CROCC: variants seen among roughly 807,000 people sequenced by gnomAD.
The protein encoded by CROCC is rootletin.
CROCC carries 180 observed loss-of-function variants against 245.2 expected under a neutral mutation model. The ratio of observed to expected loss-of-function variants is 0.73; its 90% CI spans 0.65 to 0.83. The LOEUF is 0.83. CROCC is among the 40% of genes least tolerant of loss of function. CROCC has a pLI of 0.00. For missense variants in CROCC, 2,688 were observed against 2,779.4 expected (o/e 0.97, Z 0.74); for synonymous variants, 1,205 against 1,241.6 (o/e 0.97, Z 0.62).
intron 9 of CROCC, among the ~76,000 whole-genome samples, 158 bp from the exon 10 acceptor site, chr1:16,937,483 T>C (rs1483086932): frequency 3.3e-5 from 5 of 152,226 alleles, no homozygotes; most frequent in Admixed American, 2.0e-4. Context: ...AAATGTGAGA[T>C]CTGGAGAGGA....
In CROCC at chr1:16,966,019, C is replaced by T; in HGVS notation, c.4596C>T (p.Thr1532=). The T allele has an allele frequency of 1.2e-6, 2 of 1,613,756 alleles. No homozygotes were observed. Among genetic ancestry groups the T allele is most frequent in the Non-Finnish European group, 1.7e-6 (2 of 1,179,758 alleles). ...TACAGGACGAACTTCGGACCCAGAC[C>T]AGTGCCCTGAATCGCCAGCTGGCCG... The part of the protein sequence containing the change: ...QRERDELRTQ[T]SALNRQLAEM... Residue 1532 remains threonine (T), a synonymous_variant, in exon 29 of 37, where the codon ACC becomes ACT. Coordinates refer to ENST00000375541, the MANE Select transcript of CROCC (RefSeq NM_014675.5). The surrounding 1 kb of genome is among the most constrained non-coding windows in gnomAD (Gnocchi z 4.8).
intron 1 of CROCC, among the ~76,000 whole-genome samples, chr1:16,914,508 C>T (rs1350726347): frequency 1.3e-5 from 2 of 152,294 alleles, no homozygotes; most frequent in African/African-American, 4.8e-5. Flanking sequence ...CGTGCGGGCC[C>T]CGCCCTGCAC....
Position 16,970,460 on chromosome 1 carries a change from T to C in CROCC, c.5652+7T>C. 5 of 1,567,738 alleles carry C rather than the reference T, an allele frequency of 3.2e-6. No homozygotes were observed. Among genetic ancestry groups the C allele is most frequent in the Non-Finnish European group, 3.5e-6 (4 of 1,152,998 alleles). ...CAGGAGGACGCTGGACAAGGTAGGC[T>C]GCTCCCCAGGCTCTCCCCTCACTTC... On this transcript the variant is annotated splice_region_variant and intron_variant, in intron 34 of 36. Transcript: ENST00000375541.
At position 16,945,449 on chromosome 1, in the gene CROCC, C is replaced by G. The variant is rs1383132149; in HGVS notation, c.1992-13C>G. ...AAGTGACATGGGCCACCCACCCACC[C>G]TTTGTCCCACAGCCATAGACAACTA... On this transcript the variant is annotated splice_polypyrimidine_tract_variant and intron_variant, in intron 14 of 36. Transcript: ENST00000375541. 1 of 1,611,404 alleles carries G rather than the reference C, an allele frequency of 6.2e-7. No homozygotes were observed. Among genetic ancestry groups the G allele is most frequent in the Admixed American group, 1.7e-5 (1 of 59,930 alleles).
chr1:16,914,901 C>T (rs1463989464), intron 1 of CROCC, among the ~76,000 whole-genome samples: 3 of 152,292 alleles, frequency 2.0e-5, no homozygotes, highest in African/African-American at 7.2e-5. Context: ...TGCCATCTGT[C>T]TGTTTACGCC....
intron 30 of CROCC, among the ~76,000 whole-genome samples, chr1:16,967,253 G>A (rs1346678353): frequency 2.0e-5 from 3 of 152,154 alleles, no homozygotes; most frequent in Admixed American, 6.5e-5. Flanking sequence ...GTTTTTATGT[G>A]TGTTTGGGGG....
chr1:16,915,245 C>A (rs1213971663), intron 1 of CROCC, among the ~76,000 whole-genome samples: 1 of 152,288 alleles, frequency 6.6e-6, no homozygotes, highest in African/African-American at 2.4e-5. Context: ...CCCAACATGA[C>A]CCCAGCCAGA....
At position 16,944,054 on chromosome 1, in the gene CROCC, G is replaced by C. The variant is rs565714998; in HGVS notation, c.1809-46G>C. On this transcript the variant is annotated intron_variant, in intron 13 of 36. Transcript: ENST00000375541. ...AGCAGCCAGCCACCTTCCCTGCAGA[G>C]AGCAGCCCCAGCATCCCCTCTGCTC... is the stretch of plus-strand genomic sequence containing the variant. The C allele has an allele frequency of 1.9e-4, 285 of 1,488,880 alleles. 3 individuals are homozygous for C. In the East Asian group the frequency reaches 5.7e-3, roughly 30 times the overall value. The allele number at this position is 1,488,880 out of a possible 1,614,324, so 92.2% of individuals were successfully genotyped here.
At chr1:16,971,794 C>A in intron 36 of CROCC, 147 bp downstream of exon 36, 1 of 788,202 alleles carries the variant, frequency 1.3e-6, no homozygotes, top group Non-Finnish European at 1.9e-6. Flanking sequence ...TGGTGTCAGC[C>A]AAGACCAGAC....
chr1:16,939,848 G>A (rs1434505675), intron 12 of CROCC, 46 bp from the exon 13 acceptor site: 1 of 1,597,484 alleles, frequency 6.3e-7, no homozygotes, highest in Admixed American at 1.7e-5. Context: ...GGTGGCTCTG[G>A]AGGCCTCTCA....
rs1392643010 is a variant in CROCC, at chr1:16,953,385, G to A, written c.3090G>A (p.Arg1030=). ...LQREQEELLA[R]LEAEKEELSE... is the part of the protein sequence containing the mutation. ...GTGAGCAGGAGGAGCTGCTGGCCCG[G>A]CTGGAGGCTGAGAAGGAAGAGCTGA... Residue 1030 remains arginine, a synonymous_variant, in exon 21 of 37, where the codon CGG becomes CGA. Coordinates refer to ENST00000375541, the MANE Select transcript of CROCC (RefSeq NM_014675.5). The A allele has an allele frequency of 2.5e-6, 4 of 1,610,428 alleles. No homozygotes were observed. The highest frequency in any genetic ancestry group is 3.4e-6 in the Non-Finnish European group (4 of 1,179,710).
chr1:16,921,302 A>G (rs1328314960), upstream of CROCC, among the ~76,000 whole-genome samples: 9 of 152,414 alleles, frequency 5.9e-5, no homozygotes, highest in Admixed American at 3.3e-4. Context: ...GAAGCTTCCC[A>G]ATAAGTGCCT....
chr1:16,948,350 G>T lies in CROCC; in HGVS notation c.2534G>T (p.Gly845Val). The T allele has an allele frequency of 6.3e-7, 1 of 1,576,698 alleles. No homozygotes were observed. ...GGCCAGCTCTCCCGGCAGCTGAGCG[G>T]GCGGGAGCAGGAGCTGGAGCAGGCC... ...QLAQLSRQLS[G>V]REQELEQARR... Residue 845 changes from glycine to valine, a missense_variant, in exon 18 of 37, where the codon GGG becomes GTG. By Grantham distance (109) the Gly-to-Val change is moderately radical. Transcript: ENST00000375541.
chr1:16,947,061 T>A lies in CROCC; in HGVS notation c.2514+70T>A, dbSNP rs1314543193. On this transcript the variant is annotated intron_variant, in intron 17 of 36. Transcript: ENST00000375541. ...CAGGCCGGGCTCCCAGCCCCCTGCATCCAGTCCTGGGTTAAGTCACAGGCA... is the reference window on the plus strand; with the variant it reads ...CAGGCCGGGCTCCCAGCCCCCTGCAACCAGTCCTGGGTTAAGTCACAGGCA... 2.9e-6 allele frequency: 4 copies of A among 1,375,272 alleles called. No individual in the cohort carries two copies. The South Asian group carries it at 5.4e-5, about 18-fold the overall frequency. 85.2% of individuals were successfully genotyped at this position (1,375,272 alleles called of 1,614,324 possible). A position where few individuals can be genotyped will look rare whatever the true frequency, so the allele number is the denominator to read the frequency against.
chr1:16,940,709 AGTTTT>A (rs762748855), intron 13 of CROCC: 12 of 236,690 alleles, frequency 5.1e-5, no homozygotes, highest in East Asian at 1.5e-4. Flanking sequence ...TTTAGTATTC[AGTTTT>A]GTTTTGTTTT....
At position 16,970,303 on chromosome 1, in the gene CROCC, G is replaced by T; in HGVS notation, c.5502G>T (p.Gln1834His). The change falls in exon 34 of 37, where the codon CAG becomes CAT. Residue 1834 changes from glutamine to histidine, a missense_variant. Gln to His is a conservative substitution (Grantham distance 24). Coordinates refer to ENST00000375541, the MANE Select transcript of CROCC (RefSeq NM_014675.5). ...EGEAAALNTV[Q>H]KLQDERRLLQ... ...AGGCTGCAGCCCTGAACACCGTCCA[G>T]AAGCTGCAAGACGAGCGGCGGCTGC... 6.3e-7 allele frequency: 1 copy of T among 1,585,568 alleles called. No homozygotes were observed. The highest frequency in any genetic ancestry group is 8.6e-7 in the Non-Finnish European group (1 of 1,167,128).
At chr1:16,946,720 G>A (rs1342283869) in intron 16 of CROCC, 41 bp from the exon 17 acceptor site, 3 of 1,538,616 alleles carry the variant, frequency 1.9e-6, no homozygotes, top group East Asian at 4.9e-5. Context: ...TCCTGGGAGG[G>A]ACGCCCTGCT....
chr1:16,960,986 C>G lies in CROCC; in HGVS notation c.4261C>G (p.Arg1421Gly). 2.2e-6 allele frequency: 3 copies of G among 1,335,948 alleles called. No individual in the cohort carries two copies. The highest frequency in any genetic ancestry group is 2.9e-6 in the Non-Finnish European group (3 of 1,050,856). The allele number at this position is 1,335,948 out of a possible 1,614,324, so 82.8% of individuals were successfully genotyped here. A position where few individuals can be genotyped will look rare whatever the true frequency, so the allele number is the denominator to read the frequency against. Residue 1421 changes from arginine (R) to glycine (G), a missense_variant, in exon 27 of 37, where the codon CGC becomes GGC. By Grantham distance (125) the Arg-to-Gly change is moderately radical. Around this residue, in one of 9 missense-constraint regions of CROCC, gnomAD observed 1,218 missense variants for 1,286.3 expected, o/e 0.95. Coordinates refer to ENST00000375541, the MANE Select transcript of CROCC (RefSeq NM_014675.5). ...ACAAGGCCTGGAGGCCGAGCTGGCCCGCGTGGAGGTGCAGCGGCGCGCGGC... is the reference window on the plus strand; with the variant it reads ...ACAAGGCCTGGAGGCCGAGCTGGCCGGCGTGGAGGTGCAGCGGCGCGCGGC... ...RAQGLEAELA[R>G]VEVQRRAAEA...
At chr1:16,939,650 CG>C (rs969494916) in intron 12 of CROCC, among the ~76,000 whole-genome samples, 1 of 152,044 alleles carries the variant, frequency 6.6e-6, no homozygotes, top group Non-Finnish European at 1.5e-5. Flanking sequence ...GTCTGGCATC[CG>C]GGGGGCTTTG....
Sources: gnomAD v4.1 joint callset for allele counts (sites outside exome capture counted in the v4.1 genomes callset) on GRCh38, gnomAD v4.1.1 for gene constraint, gnomAD v4.1.1 regional missense constraint, Gnocchi (gnomAD v3.1) non-coding constraint, MANE v1.5 for transcripts, NCBI Gene and HGNC (gene_info 2026-07-23, HGNC 2026-07-21) for gene names.